Variants in NRXN3 observed in about 807,000 individuals in gnomAD.
NRXN3 encodes the protein neurexin III.
A neutral mutation model predicts 137.6 loss-of-function variants in NRXN3; 32 were observed. The ratio of observed to expected loss-of-function variants is 0.23; its 90% confidence interval spans 0.18 to 0.31. The LOEUF is 0.31. NRXN3 is among the 10% of genes least tolerant of loss of function. NRXN3 has a pLI of 1.00. For missense variants in NRXN3, 1,574 were observed against 2,062.5 expected (o/e 0.76, Z 4.59); for synonymous variants, 798 against 784.5 (o/e 1.02, Z -0.29).
In NRXN3 at chr14:79,521,376, G is replaced by A. The variant is rs553221485; in HGVS notation, c.3444+53974G>A. 3.1e-4 allele frequency among the ~76,000 whole-genome samples: 47 copies of A among 152,104 alleles called. No homozygotes were observed. In the South Asian group the frequency reaches 3.7e-3, roughly 12 times the overall value. ...TAGTGCTCAATATATTTAAACCAGAGCTTCTCATCCAATATACCACACTCA... is the reference window on the plus strand; with the variant it reads ...TAGTGCTCAATATATTTAAACCAGAACTTCTCATCCAATATACCACACTCA... On this transcript the variant is annotated intron_variant, in intron 16 of 20. Coordinates refer to ENST00000335750, the MANE Select transcript of NRXN3 (RefSeq NM_001330195.2).
rs570304438 is a variant in NRXN3, at chr14:79,347,916, C to T, written c.3263-119305C>T. Among the ~76,000 whole-genome samples the T allele has an allele frequency of 2.6e-5, 4 of 152,238 alleles. No individual in the cohort carries two copies. The East Asian group carries it at 5.8e-4, about 22-fold the overall frequency. The stretch of plus-strand genomic sequence containing the variant: ...CAAATCACTTTTGAGAGCGAAGTGA[C>T]GATGACATTTTTCTCACTCAAGTCC... On this transcript the variant is annotated intron_variant, in intron 15 of 20. Transcript: ENST00000335750.
chr14:79,138,339 T>C (rs1386442706), intron 15 of NRXN3, among the ~76,000 whole-genome samples: 2 of 152,168 alleles, frequency 1.3e-5, no homozygotes, highest in African/African-American at 4.8e-5. Flanking sequence ...AAGTTTGGTA[T>C]GGACAAGGTC....
At chr14:79,642,049 AT>A (rs2098436132) in intron 16 of NRXN3, among the ~76,000 whole-genome samples, 1 of 135,380 alleles carries the variant, frequency 7.4e-6, no homozygotes, top group Admixed American at 7.8e-5. Flanking sequence ...ACATAAAAGT[AT>A]TTTCCGAAGT....
At chr14:78,948,126 G>C (rs1378412699) in intron 10 of NRXN3, among the ~76,000 whole-genome samples, 1 of 152,194 alleles carries the variant, frequency 6.6e-6, no homozygotes, top group East Asian at 1.9e-4. Flanking sequence ...TTTTTCTGGA[G>C]TGGTCCCCAA....
chr14:79,476,302 G>A (rs2096559161), intron 16 of NRXN3, among the ~76,000 whole-genome samples: 1 of 152,064 alleles, frequency 6.6e-6, no homozygotes, highest in South Asian at 2.1e-4. Flanking sequence ...AGACGTCAGA[G>A]GGAACTGTAT....
chr14:78,767,825 A>G (rs975096678), intron 8 of NRXN3, among the ~76,000 whole-genome samples: 17 of 152,186 alleles, frequency 1.1e-4, no homozygotes. Flanking sequence ...ATTATATCCC[A>G]GTGGGCTAGA....
intron 20 of NRXN3, among the ~76,000 whole-genome samples, chr14:79,823,418 A>G (rs966962040): frequency 1.3e-5 from 2 of 152,180 alleles, no homozygotes; most frequent in East Asian, 3.9e-4. Flanking sequence ...ACTCCAAAAC[A>G]TCTATGTAGA....
At chr14:78,238,089 C>T (rs2153448534) in intron 1 of NRXN3, among the ~76,000 whole-genome samples, 1 of 152,170 alleles carries the variant, frequency 6.6e-6, no homozygotes, top group South Asian at 2.1e-4. Flanking sequence ...GCAGCCAGAT[C>T]TTCTGAGCCA....
intron 19 of NRXN3, among the ~76,000 whole-genome samples, chr14:79,801,523 T>C (rs2099180714): frequency 6.6e-6 from 1 of 151,752 alleles, no homozygotes; most frequent in Non-Finnish European, 1.5e-5. Flanking sequence ...TGATTAATAG[T>C]GAAGTAACTA....
intron 15 of NRXN3, among the ~76,000 whole-genome samples, chr14:79,150,653 G>A (rs1475422825): frequency 6.7e-6 from 1 of 150,232 alleles, no homozygotes; most frequent in African/African-American, 2.5e-5. Flanking sequence ...CACCACATAA[G>A]CTAAAAATAA....
At chr14:78,774,067 TG>T (rs1402193497) in intron 8 of NRXN3, among the ~76,000 whole-genome samples, 1 of 152,184 alleles carries the variant, frequency 6.6e-6, no homozygotes, top group African/African-American at 2.4e-5. Flanking sequence ...CCCAAAGTGC[TG>T]GGATTACAGG....
intron 8 of NRXN3, among the ~76,000 whole-genome samples, chr14:78,747,191 C>T (rs773442639): frequency 6.6e-6 from 1 of 152,132 alleles, no homozygotes; most frequent in Non-Finnish European, 1.5e-5. Context: ...CAGTGTTGTT[C>T]GTGAACTTCG....
At chr14:78,655,132 A>G (rs1309647412) in intron 6 of NRXN3, among the ~76,000 whole-genome samples, 1 of 152,206 alleles carries the variant, frequency 6.6e-6, no homozygotes, top group Non-Finnish European at 1.5e-5. Context: ...CTGCTTAAGA[A>G]TGCTAGCTTT....
chr14:78,774,809 A>C (rs1172994151), intron 8 of NRXN3, among the ~76,000 whole-genome samples: 1 of 152,080 alleles, frequency 6.6e-6, no homozygotes, highest in East Asian at 1.9e-4. Context: ...CTGTAGTCCC[A>C]CCTACTTGGG....
chr14:78,657,901 T>A (rs10133754), intron 6 of NRXN3, among the ~76,000 whole-genome samples: 5,296 of 152,288 alleles, frequency 0.035, 307 homozygotes, highest in African/African-American at 0.12. Flanking sequence ...CTTGTTGCTA[T>A]CTCTCATGCT....
chr14:79,127,192 T>G (rs1039206089), intron 15 of NRXN3, among the ~76,000 whole-genome samples: 1 of 152,218 alleles, frequency 6.6e-6, no homozygotes, highest in Non-Finnish European at 1.5e-5. Flanking sequence ...AGATCCCATT[T>G]GTCAATTTTG....
At chr14:78,959,922 C>T (rs2099404877) in intron 11 of NRXN3, among the ~76,000 whole-genome samples, 1 of 152,040 alleles carries the variant, frequency 6.6e-6, no homozygotes, top group African/African-American at 2.4e-5. Context: ...ACAGTGAGTT[C>T]GTTTCATTTT....
intron 10 of NRXN3, among the ~76,000 whole-genome samples, chr14:78,871,115 T>G (rs1343548693): frequency 6.7e-6 from 1 of 149,128 alleles, no homozygotes; most frequent in Non-Finnish European, 1.5e-5. Context: ...TAGTTCTATT[T>G]TTAGTTTTCT....
chr14:78,893,192 A>T (rs1597077660), intron 10 of NRXN3, among the ~76,000 whole-genome samples: 1 of 152,050 alleles, frequency 6.6e-6, no homozygotes, highest in African/African-American at 2.4e-5. Context: ...GCGCAAGCTC[A>T]TTCATTCATG....
Sources: gnomAD v4.1 joint callset for allele counts (sites outside exome capture counted in the v4.1 genomes callset) on GRCh38, gnomAD v4.1.1 for gene constraint, MANE v1.5 for transcripts, NCBI Gene and HGNC (gene_info 2026-07-23, HGNC 2026-07-21) for gene names.